Variants in STK32B observed in about 807,000 individuals in gnomAD.
STK32B encodes the protein serine/threonine kinase 32B, also known as serine/threonine-protein kinase 32B.
In STK32B, 43 loss-of-function variants were observed where a neutral mutation model predicts 52.6. The observed-to-expected ratio is 0.82, with a 90% confidence interval of 0.64 to 1.05. The LOEUF is 1.05. STK32B is among the 50% of genes least tolerant of loss of function. The probability of loss-of-function intolerance (pLI) is 0.00; values close to 1 mark genes in which losing one functional copy is unlikely to be tolerated. For synonymous variants in STK32B, 238 were observed against 204.3 expected, an observed-to-expected ratio of 1.17 and a Z score of -1.41; for missense variants, 621 against 534.6, an observed-to-expected ratio of 1.16 and a Z score of -1.59.
chr4:5,456,969 G>A, intron 8 of STK32B, 46 bp downstream of exon 8: 1 of 1,381,816 alleles, frequency 7.2e-7, no homozygotes, highest in Non-Finnish European at 9.8e-7. Context: ...GCTACGGTGA[G>A]TGTAGAAACA....
intron 3 of STK32B, among the ~76,000 whole-genome samples, chr4:5,285,549 T>C (rs866491484): frequency 4.9e-4 from 74 of 152,244 alleles, no homozygotes; most frequent in African/African-American, 1.4e-3. Flanking sequence ...AAAAGGAATT[T>C]TTTAGGATCC....
chr4:5,170,081 C>T (rs187062076), intron 3 of STK32B, among the ~76,000 whole-genome samples: 93 of 152,270 alleles, frequency 6.1e-4, no homozygotes, highest in South Asian at 4.1e-4. Flanking sequence ...CACAATAAGC[C>T]ATCTAATCGA....
At chr4:5,126,277 CCTT>C (rs928739026) in intron 1 of STK32B, among the ~76,000 whole-genome samples, 1 of 152,160 alleles carries the variant, frequency 6.6e-6, no homozygotes, top group African/African-American at 2.4e-5. Context: ...TATCTCCATC[CCTT>C]CTTGTCATTT....
At chr4:5,285,331 T>A (rs2108876150) in intron 3 of STK32B, among the ~76,000 whole-genome samples, 1 of 152,234 alleles carries the variant, frequency 6.6e-6, no homozygotes, top group East Asian at 1.9e-4. Context: ...TATAAAATGA[T>A]AAAAATATAT....
the STK32B span, among the ~76,000 whole-genome samples, chr4:5,035,377 C>T: frequency 2.0e-5 from 3 of 152,112 alleles, no homozygotes; most frequent in Non-Finnish European, 4.4e-5. Context: ...TTATAGAGCT[C>T]GACACATAGT....
intron 8 of STK32B, among the ~76,000 whole-genome samples, chr4:5,457,666 G>A (rs954703681): frequency 7.3e-5 from 11 of 151,184 alleles, no homozygotes; most frequent in Non-Finnish European, 1.0e-4. Flanking sequence ...TCAGGAGTTC[G>A]AGACCAGCCT....
chr4:5,451,920 C>A (rs1433357621), intron 7 of STK32B, among the ~76,000 whole-genome samples: 24 of 152,144 alleles, frequency 1.6e-4, no homozygotes, highest in Non-Finnish European at 3.2e-4. Context: ...TCAAGGAACC[C>A]TCGCCCCTTT....
chr4:5,427,750 C>G (rs4017774), intron 6 of STK32B, among the ~76,000 whole-genome samples: 22,243 of 152,024 alleles, frequency 0.15, 2,146 homozygotes, highest in East Asian at 0.41. Flanking sequence ...GTGATGTCCC[C>G]TCTTTCAGTC....
chr4:5,102,445 C>CTTCA (rs1713843114), intron 1 of STK32B, among the ~76,000 whole-genome samples: 1 of 50,872 alleles, frequency 2.0e-5, no homozygotes, highest in Non-Finnish European at 4.8e-5. Context: ...TGCTTCCTTC[C>CTTCA]TTCCTTCCTT....
rs551715327 is a variant in STK32B, at chr4:5,157,126, A to C, written c.109-11173A>C. On this transcript the variant is annotated intron_variant, in intron 2 of 11. Transcript: ENST00000282908. Reference sequence around the variant, plus strand: ...TTCAATGTTCAAAAGCATTTGGCTTATCAGGGTTTTCCTTAAAAATGTATT... The same window carrying C: ...TTCAATGTTCAAAAGCATTTGGCTTCTCAGGGTTTTCCTTAAAAATGTATT... Among the ~76,000 whole-genome samples, 16 of 152,308 alleles carry C rather than the reference A, an allele frequency of 1.1e-4. No individual in the cohort carries two copies. In the South Asian group the frequency reaches 2.9e-3, roughly 28 times the overall value.
Position 5,467,993 on chromosome 4 carries a change from T to G in STK32B, c.1042-13T>G. 6.2e-7 allele frequency: 1 copy of G among 1,614,102 alleles called. No individual in the cohort carries two copies. The highest frequency in any genetic ancestry group is 8.5e-7 in the Non-Finnish European group (1 of 1,179,960). On this transcript the variant is annotated splice_polypyrimidine_tract_variant and intron_variant, in intron 10 of 11. Transcript: ENST00000282908. The surrounding 1 kb of genome is among the most constrained non-coding windows in gnomAD (Gnocchi z 5.8). ...GCTTTGTCATTTAGTCACCCCTCTG[T>G]GCTCTTTGACAGAATGGACACCTGC...
intron 3 of STK32B, among the ~76,000 whole-genome samples, chr4:5,265,464 C>A (rs752029370): frequency 1.3e-5 from 2 of 152,180 alleles, no homozygotes; most frequent in African/African-American, 2.4e-5. Context: ...TGACCACTGC[C>A]GCCATCCATC....
intron 3 of STK32B, among the ~76,000 whole-genome samples, chr4:5,218,565 A>G (rs190647612): frequency 2.6e-5 from 4 of 152,276 alleles, no homozygotes; most frequent in Non-Finnish European, 2.9e-5. Context: ...CTACCGTCAA[A>G]CTGCGTGCTT....
chr4:5,033,838 G>C, the STK32B span, among the ~76,000 whole-genome samples: 4 of 152,218 alleles, frequency 2.6e-5, no homozygotes, highest in African/African-American at 7.2e-5. Context: ...TGGCCTGCTG[G>C]ATCCCAGAGC....
intron 1 of STK32B, among the ~76,000 whole-genome samples, chr4:5,097,369 T>C (rs1713461743): frequency 6.6e-6 from 1 of 152,378 alleles, no homozygotes; most frequent in Admixed American, 6.5e-5. Flanking sequence ...GTTCACAGTT[T>C]GCTGAGTTTA....
intron 3 of STK32B, among the ~76,000 whole-genome samples, chr4:5,196,698 G>A (rs1721703411): frequency 6.6e-6 from 1 of 150,378 alleles, no homozygotes; most frequent in Non-Finnish European, 1.5e-5. Context: ...TCCAGTCTGG[G>A]CGGCAGAGCG....
At chr4:5,340,131 G>A (rs1321474815) in intron 4 of STK32B, among the ~76,000 whole-genome samples, 2 of 152,164 alleles carry the variant, frequency 1.3e-5, no homozygotes, top group Non-Finnish European at 2.9e-5. Context: ...TACTTTAAAC[G>A]CCCATCTGGG....
At chr4:5,074,770 G>A in intron 1 of STK32B, among the ~76,000 whole-genome samples, 1 of 152,048 alleles carries the variant, frequency 6.6e-6, no homozygotes, top group East Asian at 1.9e-4. Flanking sequence ...TTCCTCTGAG[G>A]AGTGTTGAGT....
intron 3 of STK32B, among the ~76,000 whole-genome samples, chr4:5,194,219 G>T (rs1721464321): frequency 6.6e-6 from 1 of 152,140 alleles, no homozygotes; most frequent in Admixed American, 6.5e-5. Flanking sequence ...GAGACCAATG[G>T]TCCTGTGTAT....
Sources: gnomAD v4.1 joint callset for allele counts (sites outside exome capture counted in the v4.1 genomes callset) on GRCh38, gnomAD v4.1.1 for gene constraint, Gnocchi (gnomAD v3.1) non-coding constraint, MANE v1.5 for transcripts, NCBI Gene and HGNC (gene_info 2026-07-23, HGNC 2026-07-21) for gene names.